The following MRE11 variants were observed in gnomAD, a reference collection of about 807,000 sequenced individuals.
MRE11 encodes double-strand break repair protein MRE11.
In MRE11, 62 loss-of-function variants were observed where a neutral mutation model predicts 91.7. The observed-to-expected ratio is 0.68, with a 90% confidence interval of 0.55 to 0.84. The LOEUF is 0.84. Ranked by LOEUF, MRE11 falls within the 40% of genes least tolerant of loss-of-function variation. The pLI, the probability that MRE11 is intolerant of heterozygous loss-of-function variation, is 0.00. For synonymous variants in MRE11, 273 were observed against 271.4 expected, an observed-to-expected ratio of 1.01 and a Z score of -0.06; for missense variants, 796 against 852.9, an observed-to-expected ratio of 0.93 and a Z score of 0.83.
At chr11:94,486,711 G>A (rs1295841827) in intron 3 of MRE11, among the ~76,000 whole-genome samples, 1 of 152,184 alleles carries the variant, frequency 6.6e-6, no homozygotes, top group Non-Finnish European at 1.5e-5. Context: ...ATGACACTAC[G>A]ATGAATTTGA....
rs944395820 is a variant in MRE11, at chr11:94,465,319, T to C, written c.1099-1080A>G. Among the ~76,000 whole-genome samples the C allele has an allele frequency of 5.9e-5, 9 of 152,168 alleles. No individual in the cohort carries two copies. In the East Asian group the frequency reaches 1.3e-3, roughly 23 times the overall value. ...ACACAGATGAGAAAATTGGGATCTT[T>C]TGCCATAATGAAGAGAACTATGTGA... On this transcript the variant is annotated intron_variant, in intron 10 of 19. Coordinates refer to ENST00000323929, the MANE Select transcript of MRE11 (RefSeq NM_005591.4).
intron 3 of MRE11, 43 bp from the exon 4 acceptor site, chr11:94,486,127 G>C: frequency 1.2e-6 from 2 of 1,600,850 alleles, no homozygotes; most frequent in Non-Finnish European, 1.7e-6. Context: ...TGTTTTACAG[G>C]TAAAATTTTT....
At chr11:94,459,651 G>T in intron 12 of MRE11, 70 bp from the exon 13 acceptor site, 1 of 1,487,920 alleles carries the variant, frequency 6.7e-7, no homozygotes. Flanking sequence ...GATGAGCAAG[G>T]AAAATTACCA....
intron 9 of MRE11, 90 bp downstream of exon 9, chr11:94,470,381 G>C: frequency 7.8e-7 from 1 of 1,285,302 alleles, no homozygotes. Context: ...TCAACATAAA[G>C]GCTTCCCTCT....
chr11:94,445,223 T>G (rs1328883459), intron 16 of MRE11, among the ~76,000 whole-genome samples: 1 of 152,256 alleles, frequency 6.6e-6, no homozygotes, highest in Non-Finnish European at 1.5e-5. Flanking sequence ...AGTGACCAAC[T>G]ACTTCACTTT....
At chr11:94,434,481 T>C (rs1323501389) in intron 18 of MRE11, among the ~76,000 whole-genome samples, 2 of 152,124 alleles carry the variant, frequency 1.3e-5, no homozygotes, top group Non-Finnish European at 2.9e-5. Context: ...TTAATTCTTC[T>C]CCTTGGATAA....
the MRE11 span, among the ~76,000 whole-genome samples, chr11:94,509,030 A>G: frequency 6.6e-6 from 1 of 152,066 alleles, no homozygotes; most frequent in Non-Finnish European, 1.5e-5. Context: ...AAAGTGCTAC[A>G]TTTACTTTCT....
At chr11:94,461,803 C>T (rs550000880) in intron 11 of MRE11, among the ~76,000 whole-genome samples, 7 of 152,268 alleles carry the variant, frequency 4.6e-5, no homozygotes, top group African/African-American at 1.7e-4. Context: ...AGACCAGGCG[C>T]GGTGGCTCAC....
At chr11:94,481,853 T>G (rs1947020817) in intron 4 of MRE11, among the ~76,000 whole-genome samples, 1 of 152,224 alleles carries the variant, frequency 6.6e-6, no homozygotes, top group Non-Finnish European at 1.5e-5. Context: ...TTTTTTGGGA[T>G]TTCCCTATCT....
intron 17 of MRE11, among the ~76,000 whole-genome samples, chr11:94,436,283 C>G (rs1486510195): frequency 6.6e-6 from 1 of 152,186 alleles, no homozygotes; most frequent in Admixed American, 6.5e-5. Context: ...GTGGGAAATA[C>G]TAGATATCTT....
chr11:94,415,646 C>T lies in MRE11; in HGVS notation c.*4479G>A, dbSNP rs516037. On this transcript the variant is annotated 3_prime_UTR_variant, in exon 20 of 20. Coordinates refer to ENST00000323929, the MANE Select transcript of MRE11 (RefSeq NM_005591.4). ...GAACAATAACATTTAAAACACACAACGGGAAGCAGCGCAGTTATCTCTCAA... is the reference window on the plus strand; with the variant it reads ...GAACAATAACATTTAAAACACACAATGGGAAGCAGCGCAGTTATCTCTCAA... 100,284 of 152,088 alleles carry T rather than the reference C, an allele frequency of 0.66. 33,219 individuals carry two copies. The highest frequency in any genetic ancestry group is 0.77 in the South Asian group (3,734 of 4,826). The allele number at this position is 152,088 out of a possible 1,614,324, so 9.4% of individuals were successfully genotyped here. A position where few individuals can be genotyped will look rare whatever the true frequency, so the allele number is the denominator to read the frequency against.
chr11:94,435,307 C>T (rs970437654), intron 18 of MRE11, among the ~76,000 whole-genome samples: 1 of 152,160 alleles, frequency 6.6e-6, no homozygotes, highest in Non-Finnish European at 1.5e-5. Flanking sequence ...GTAATCCAGG[C>T]ACTTTGGGAG....
chr11:94,448,983 G>A (rs1591657480), intron 14 of MRE11, among the ~76,000 whole-genome samples: 1 of 152,200 alleles, frequency 6.6e-6, no homozygotes, highest in Non-Finnish European at 1.5e-5. Flanking sequence ...AGCTAAGGGA[G>A]AAAGGTGAGA....
rs35673778 is a variant in MRE11 at position 94,441,977 on chromosome 11, C to CAAAAAAAAA, written c.1867+3824_1867+3832dup. On this transcript the variant is annotated intron_variant, in intron 16 of 19. Coordinates refer to ENST00000323929, the MANE Select transcript of MRE11 (RefSeq NM_005591.4). ...TAGGCGACAGAGAGAGACTCTGTCT[C>CAAAAAAAAA]AAAAAAAAAAAAAAAAAAAAAAAGT... Among the ~76,000 whole-genome samples, 216 of 48,182 alleles carry CAAAAAAAAA rather than the reference C, an allele frequency of 4.5e-3. 3 individuals carry two copies. Among genetic ancestry groups the CAAAAAAAAA allele is most frequent in the Middle Eastern group, 0.011 (1 of 90 alleles). The allele number at this position is 48,182 out of a possible 152,430, so 31.6% of individuals were successfully genotyped here. A position where few individuals can be genotyped will look rare whatever the true frequency, so the allele number is the denominator to read the frequency against.
chr11:94,438,010 C>A (rs377619189), intron 16 of MRE11, among the ~76,000 whole-genome samples: 1 of 152,048 alleles, frequency 6.6e-6, no homozygotes, highest in Non-Finnish European at 1.5e-5. Flanking sequence ...TGCCTGTAAT[C>A]CCAGCTACTT....
chr11:94,430,270 A>G (rs1945429076), intron 18 of MRE11, among the ~76,000 whole-genome samples: 1 of 152,216 alleles, frequency 6.6e-6, no homozygotes, highest in Non-Finnish European at 1.5e-5. Context: ...TAATGGTTTT[A>G]TAAAGACTAA....
intron 18 of MRE11, among the ~76,000 whole-genome samples, chr11:94,432,265 G>A (rs1015804715): frequency 1.3e-5 from 2 of 152,188 alleles, no homozygotes; most frequent in African/African-American, 2.4e-5. Context: ...TTGCATCTGC[G>A]CCCATCTTGG....
intron 16 of MRE11, among the ~76,000 whole-genome samples, chr11:94,438,865 T>C (rs1466498035): frequency 6.6e-6 from 1 of 152,170 alleles, no homozygotes; most frequent in African/African-American, 2.4e-5. Context: ...TAAGAGGAAG[T>C]GTCTAGCAGA....
upstream of MRE11, chr11:94,497,312 ATTC>A (rs1300929240): frequency 1.5e-5 from 6 of 400,100 alleles, no homozygotes; most frequent in African/African-American, 8.2e-5. Flanking sequence ...TATAAGTAAT[ATTC>A]TTCTCTTTTA....
Sources: gnomAD v4.1 joint callset for allele counts (sites outside exome capture counted in the v4.1 genomes callset) on GRCh38, gnomAD v4.1.1 for gene constraint, MANE v1.5 for transcripts, NCBI Gene and HGNC (gene_info 2026-07-23, HGNC 2026-07-21) for gene names.